Variants in JPH3 observed in about 807,000 individuals in gnomAD.
The protein encoded by JPH3 is junctophilin-3.
In JPH3, 11 loss-of-function variants were observed where a neutral mutation model predicts 59.6. The ratio of observed to expected loss-of-function variants is 0.18; its 90% CI spans 0.12 to 0.31. JPH3 has a LOEUF of 0.31. Ranked by LOEUF, JPH3 falls within the 10% of genes least tolerant of loss-of-function variation. The pLI is 1.00. For synonymous variants in JPH3, 673 were observed against 483.6 expected (o/e 1.39, Z -5.14); for missense variants, 1,202 against 1,105.7 (o/e 1.09, Z -1.24).
chr16:87,659,128 C>G (rs1302079288), intron 2 of JPH3, among the ~76,000 whole-genome samples: 1 of 152,124 alleles, frequency 6.6e-6, no homozygotes, highest in African/African-American at 2.4e-5. Flanking sequence ...AATCTCAGCC[C>G]TTTGGGAGGC....
intron 3 of JPH3, among the ~76,000 whole-genome samples, chr16:87,685,514 C>T (rs933786091): frequency 6.6e-6 from 1 of 152,248 alleles, no homozygotes; most frequent in East Asian, 1.9e-4. Context: ...GGCTGGGAGG[C>T]GGTGGGGCGC....
intron 2 of JPH3, among the ~76,000 whole-genome samples, chr16:87,667,650 A>G (rs2032905490): frequency 6.6e-6 from 1 of 152,002 alleles, no homozygotes; most frequent in African/African-American, 2.4e-5. Flanking sequence ...GCAACGTCCC[A>G]CCCCTCTCTG....
intron 1 of JPH3, among the ~76,000 whole-genome samples, chr16:87,636,997 C>T (rs1032868541): frequency 4.6e-5 from 7 of 152,224 alleles, no homozygotes; most frequent in Non-Finnish European, 5.9e-5. Context: ...TCCAGCATGA[C>T]GGGGGTCAGG....
At chr16:87,616,002 C>T (rs926318594) in intron 1 of JPH3, among the ~76,000 whole-genome samples, 16 of 152,130 alleles carry the variant, frequency 1.1e-4, no homozygotes, top group African/African-American at 2.9e-4. Flanking sequence ...GGAGACGGTG[C>T]GTGCAGGGGC....
chr16:87,639,160 G>C (rs1206703244), intron 1 of JPH3, among the ~76,000 whole-genome samples: 1 of 152,222 alleles, frequency 6.6e-6, no homozygotes, highest in Non-Finnish European at 1.5e-5. Context: ...TCGAGCATTA[G>C]CGACTTTCCA....
At chr16:87,659,603 G>T (rs531873667) in intron 2 of JPH3, among the ~76,000 whole-genome samples, 1 of 151,990 alleles carries the variant, frequency 6.6e-6, no homozygotes, top group African/African-American at 2.4e-5. Flanking sequence ...TGTGGTGACA[G>T]GTGCCTGTAA....
At chr16:87,607,599 CAG>C (rs1276827277) in intron 1 of JPH3, among the ~76,000 whole-genome samples, 1 of 152,264 alleles carries the variant, frequency 6.6e-6, no homozygotes, top group Non-Finnish European at 1.5e-5. Context: ...GCTCAGATGA[CAG>C]AGGCAGTGGT....
At chr16:87,620,433 G>GGGGA (rs1279305618) in intron 1 of JPH3, among the ~76,000 whole-genome samples, 8 of 111,880 alleles carry the variant, frequency 7.2e-5, no homozygotes, top group African/African-American at 2.5e-4. Flanking sequence ...AGAGGTGGGA[G>GGGGA]GGGAGGGAGA....
At chr16:87,608,169 C>T (rs550948223) in intron 1 of JPH3, among the ~76,000 whole-genome samples, 14 of 152,340 alleles carry the variant, frequency 9.2e-5, no homozygotes, top group Non-Finnish European at 7.3e-5. Flanking sequence ...AGAACTCTGA[C>T]CCCTTCTCTT....
At chr16:87,679,336 C>G (rs1189981641) in intron 2 of JPH3, among the ~76,000 whole-genome samples, 2 of 152,166 alleles carry the variant, frequency 1.3e-5, no homozygotes, top group Admixed American at 1.3e-4. Flanking sequence ...CTGGAATGTT[C>G]TCTGGCTTTC....
At chr16:87,629,427 T>TC (rs2150834267) in intron 1 of JPH3, among the ~76,000 whole-genome samples, 1 of 152,266 alleles carries the variant, frequency 6.6e-6, no homozygotes, top group South Asian at 2.1e-4. Flanking sequence ...TGTGGGTTTT[T>TC]TTTTTTTTAA....
intron 2 of JPH3, among the ~76,000 whole-genome samples, chr16:87,667,537 TG>T (rs2032902034): frequency 6.6e-6 from 1 of 152,142 alleles, no homozygotes; most frequent in African/African-American, 2.4e-5. Context: ...ATCTGGTCTT[TG>T]GGGGCCAGGT....
chr16:87,677,818 G>A lies in JPH3; in HGVS notation c.1161-6324G>A, dbSNP rs151026162. 4.7e-3 allele frequency among the ~76,000 whole-genome samples: 714 copies of A among 152,346 alleles called. 7 individuals are homozygous for A. The highest frequency in any genetic ancestry group is 0.017 in the African/African-American group (688 of 41,574). On this transcript the variant is annotated intron_variant, in intron 2 of 4. Coordinates refer to ENST00000284262, the MANE Select transcript of JPH3 (RefSeq NM_020655.4). ...CAGGCAGACCCGCTCCTGTCTCCAC[G>A]AACCACAATCACAGAATTGTGTAAA...
chr16:87,664,732 C>T (rs1168420707), intron 2 of JPH3, among the ~76,000 whole-genome samples: 1 of 152,188 alleles, frequency 6.6e-6, no homozygotes, highest in Non-Finnish European at 1.5e-5. Flanking sequence ...ACTGGCCCTC[C>T]TTATCCTTGC....
At chr16:87,685,877 A>C (rs566502163) in intron 3 of JPH3, among the ~76,000 whole-genome samples, 32 of 152,300 alleles carry the variant, frequency 2.1e-4, no homozygotes, top group African/African-American at 7.7e-4. Context: ...AGACGCATCC[A>C]CCGGAAGCTC....
At chr16:87,651,075 C>G (rs749754566) in intron 2 of JPH3, among the ~76,000 whole-genome samples, 3 of 152,202 alleles carry the variant, frequency 2.0e-5, no homozygotes, top group Non-Finnish European at 4.4e-5. Flanking sequence ...AGCCAGTGTT[C>G]ATTGAACATT....
At chr16:87,606,647 G>A (rs759241356) in intron 1 of JPH3, among the ~76,000 whole-genome samples, 2 of 152,188 alleles carry the variant, frequency 1.3e-5, no homozygotes, top group African/African-American at 2.4e-5. Context: ...AACAATACCT[G>A]TAAGGTGGGT....
intron 1 of JPH3, among the ~76,000 whole-genome samples, chr16:87,638,085 A>G (rs1413454864): frequency 2.6e-5 from 4 of 151,952 alleles, no homozygotes; most frequent in Non-Finnish European, 4.4e-5. Context: ...ATGCCCTGCT[A>G]ATTTTTATAG....
At chr16:87,688,041 G>A (rs1456648937) in intron 3 of JPH3, among the ~76,000 whole-genome samples, 2 of 152,218 alleles carry the variant, frequency 1.3e-5, no homozygotes, top group Admixed American at 6.5e-5. Flanking sequence ...AGGTGGTGGG[G>A]CTGGGCGTCA....
Sources: gnomAD v4.1 joint callset for allele counts (sites outside exome capture counted in the v4.1 genomes callset) on GRCh38, gnomAD v4.1.1 for gene constraint, MANE v1.5 for transcripts, NCBI Gene and HGNC (gene_info 2026-07-23, HGNC 2026-07-21) for gene names.